The following TATDN3 variants were observed in gnomAD, a reference collection of about 807,000 sequenced individuals.
The protein encoded by TATDN3 is deoxyribonuclease TATDN3.
TATDN3 carries 29 observed loss-of-function variants against 40.1 expected under a neutral mutation model. The ratio of observed to expected loss-of-function variants is 0.72; its 90% CI spans 0.54 to 0.99. The LOEUF (loss-of-function observed/expected upper bound fraction) is 0.99, where lower values mean the gene tolerates loss of function less well. Among genes scored for constraint, TATDN3 ranks in the 50% least tolerant of loss-of-function variants. The pLI, the probability that TATDN3 is intolerant of heterozygous loss-of-function variation, is 0.00. For synonymous variants in TATDN3, 105 were observed against 117.0 expected (o/e 0.90, Z 0.66); for missense variants, 309 against 321.9 (o/e 0.96, Z 0.31).
chr1:212,804,249 C>A, intron 5 of TATDN3, 71 bp from the exon 6 acceptor site: 1 of 1,026,216 alleles, frequency 9.7e-7, no homozygotes, highest in Non-Finnish European at 1.5e-6. Context: ...TATTGGATAG[C>A]ATCAATCCAA....
chr1:212,796,573 T>G lies in TATDN3; in HGVS notation c.156T>G (p.Ile52Met), dbSNP rs1490531100. The G allele has an allele frequency of 3.8e-6, 6 of 1,580,008 alleles. No individual in the cohort carries two copies. The highest frequency in any genetic ancestry group is 5.1e-6 in the Non-Finnish European group (6 of 1,165,544). The change falls in exon 3 of 10, where the codon ATT (isoleucine) becomes ATG (methionine). Residue 52 changes from isoleucine (I) to methionine (M), a missense_variant. Coordinates refer to ENST00000366974, the MANE Select transcript of TATDN3 (RefSeq NM_001042552.3). ...AACATTCAGGAGAATTTGAAAAGAT[T>G]ATGCAACTTTCAGAAAGGTGCTACT... ...VAEHSGEFEK[I>M]MQLSERYNGF... is the part of the protein sequence containing the mutation.
rs542449402 is a variant in TATDN3, at chr1:212,809,615, G to T, written c.600+1767G>T. Among the ~76,000 whole-genome samples, 7 of 151,710 alleles carry T rather than the reference G, an allele frequency of 4.6e-5. No individual in the cohort carries two copies. In the East Asian group the frequency reaches 1.2e-3, roughly 25 times the overall value. ...AGGAGAATGGCGTGAACCCGGGGGG[G>T]CAGAGCCTGCAGTGAGCCGAGATCG... On this transcript the variant is annotated intron_variant, in intron 8 of 9. Coordinates refer to ENST00000366974, the MANE Select transcript of TATDN3 (RefSeq NM_001042552.3).
intron 7 of TATDN3, among the ~76,000 whole-genome samples, chr1:212,807,115 T>C (rs544109510): frequency 6.6e-6 from 1 of 151,572 alleles, no homozygotes; most frequent in African/African-American, 2.4e-5. Context: ...AGCTAATTTT[T>C]TTGTATTTTT....
chr1:212,813,341 T>C (rs896191285), intron 9 of TATDN3, among the ~76,000 whole-genome samples: 4 of 152,176 alleles, frequency 2.6e-5, no homozygotes, highest in African/African-American at 9.6e-5. Flanking sequence ...GCAGTACCTA[T>C]TACAATGACC....
chr1:212,804,584 A>T lies in TATDN3; in HGVS notation c.432-12A>T. The T allele has an allele frequency of 6.2e-7, 1 of 1,611,784 alleles. No individual in the cohort carries two copies. The highest frequency in any genetic ancestry group is 8.5e-7 in the Non-Finnish European group (1 of 1,178,998). ...AATGGTACTTAAAAGAAATGTTGTTATCGTTAAACAGAAATGTGCACTCAC... is the reference window on the plus strand; with the variant it reads ...AATGGTACTTAAAAGAAATGTTGTTTTCGTTAAACAGAAATGTGCACTCAC... On this transcript the variant is annotated splice_polypyrimidine_tract_variant and intron_variant, in intron 6 of 9. Transcript: ENST00000366974.
chr1:212,806,840 A>ATATACACATATATACATATG lies in TATDN3; in HGVS notation c.488-891_488-872dup, dbSNP rs1662550865. 6.3e-5 allele frequency among the ~76,000 whole-genome samples: 6 copies of ATATACACATATATACATATG among 95,052 alleles called. 1 individual carries two copies. In the South Asian group the frequency reaches 1.2e-3, roughly 19 times the overall value. The allele number at this position is 95,052 out of a possible 152,430, so 62.4% of individuals were successfully genotyped here. A position where few individuals can be genotyped will look rare whatever the true frequency, so the allele number is the denominator to read the frequency against. Reference sequence around the variant, plus strand: ...TACACATATATACATATATATACATATATACACATATATACATATGTATAT... The same window carrying ATATACACATATATACATATG: ...TACACATATATACATATATATACATATATACACATATATACATATGTATACACATATATACATATGTATAT... On this transcript the variant is annotated intron_variant, in intron 7 of 9. Coordinates refer to ENST00000366974, the MANE Select transcript of TATDN3 (RefSeq NM_001042552.3).
At chr1:212,798,295 C>CAG (rs1249149679) in intron 4 of TATDN3, among the ~76,000 whole-genome samples, 1 of 151,708 alleles carries the variant, frequency 6.6e-6, no homozygotes, top group Non-Finnish European at 1.5e-5. Context: ...CAGTGCACTC[C>CAG]AGCCTGGGTG....
At chr1:212,811,074 C>T (rs559928311) in intron 8 of TATDN3, among the ~76,000 whole-genome samples, 1 of 152,226 alleles carries the variant, frequency 6.6e-6, no homozygotes, top group African/African-American at 2.4e-5. Flanking sequence ...TCTCCGCCTC[C>T]CAGGTCCAAG....
intron 8 of TATDN3, among the ~76,000 whole-genome samples, chr1:212,811,340 T>C (rs145054296): frequency 0.023 from 3,461 of 151,768 alleles, 63 homozygotes; most frequent in South Asian, 0.041. Context: ...ACCATGTTGG[T>C]CAGGCTGGTC....
chr1:212,797,467 T>C (rs1196785899), intron 4 of TATDN3: 2 of 345,320 alleles, frequency 5.8e-6, no homozygotes, highest in South Asian at 4.6e-5. Flanking sequence ...TAAAGTATTA[T>C]AGCACATGGA....
chr1:212,812,193 C>A, intron 8 of TATDN3, 55 bp from the exon 9 acceptor site: 2 of 1,126,134 alleles, frequency 1.8e-6, no homozygotes, highest in Non-Finnish European at 2.6e-6. Flanking sequence ...CAATTTAATG[C>A]TCTTTATCTT....
chr1:212,810,921 G>A (rs955653660), intron 8 of TATDN3, among the ~76,000 whole-genome samples: 1 of 152,082 alleles, frequency 6.6e-6, no homozygotes, highest in Non-Finnish European at 1.5e-5. Context: ...TTAGGAATTA[G>A]TGTTTATATT....
chr1:212,805,344 C>T (rs1202128780), intron 7 of TATDN3, among the ~76,000 whole-genome samples: 1 of 152,168 alleles, frequency 6.6e-6, no homozygotes. Context: ...CAACCTCCAC[C>T]TCCTGGGTTC....
At chr1:212,792,087 C>A (rs2102417966) in intron 1 of TATDN3, 100 bp downstream of exon 1, 3 of 1,203,886 alleles carry the variant, frequency 2.5e-6, no homozygotes, top group Non-Finnish European at 3.6e-6. Flanking sequence ...ACCCCATATC[C>A]CCCGCCCAGA....
At position 212,804,300 on chromosome 1, in the gene TATDN3, CT is replaced by C; in HGVS notation, c.322-16del. The C allele has an allele frequency of 6.3e-7, 1 of 1,580,792 alleles. No homozygotes were observed. The highest frequency in any genetic ancestry group is 8.7e-7 in the Non-Finnish European group (1 of 1,151,306). On this transcript the variant is annotated intron_variant, in intron 5 of 9. Coordinates refer to ENST00000366974, the MANE Select transcript of TATDN3 (RefSeq NM_001042552.3). ...TTCCTTAAACCTAAATATGTAATAT[CT>C]TTTATTTTTCTGCTCTAGGTTGGAC...
intron 7 of TATDN3, among the ~76,000 whole-genome samples, chr1:212,806,859 T>TATATAC (rs1558084101): frequency 1.5e-4 from 2 of 13,346 alleles, no homozygotes; most frequent in Non-Finnish European, 4.1e-4. Context: ...TATATACATA[T>TATATAC]GTATATACAC....
intron 1 of TATDN3, chr1:212,794,821 G>A (rs947164830): frequency 1.7e-6 from 1 of 577,918 alleles, no homozygotes; most frequent in Non-Finnish European, 3.3e-6. Context: ...GAGGGATTCC[G>A]AATGCTGCTG....
rs193239734 is a variant in TATDN3 at position 212,811,112 on chromosome 1, A to G, written c.601-1136A>G. 3.3e-3 allele frequency among the ~76,000 whole-genome samples: 502 copies of G among 151,654 alleles called. 2 individuals are homozygous for G. Among genetic ancestry groups the G allele is most frequent in the Middle Eastern group, 0.024 (7 of 294 alleles). ...ATTCTCCTGCCTCAGCCTTCCGAGTACCTGGGATTACAGGCGTGTACCACA... is the reference window on the plus strand; with the variant it reads ...ATTCTCCTGCCTCAGCCTTCCGAGTGCCTGGGATTACAGGCGTGTACCACA... On this transcript the variant is annotated intron_variant, in intron 8 of 9. Transcript: ENST00000366974.
At chr1:212,806,539 T>C (rs1662479561) in intron 7 of TATDN3, among the ~76,000 whole-genome samples, 1 of 150,328 alleles carries the variant, frequency 6.7e-6, no homozygotes. Context: ...CCCTGCTAAT[T>C]CTTTTGTGTG....
Sources: gnomAD v4.1 joint callset for allele counts (sites outside exome capture counted in the v4.1 genomes callset) on GRCh38, gnomAD v4.1.1 for gene constraint, MANE v1.5 for transcripts, NCBI Gene and HGNC (gene_info 2026-07-23, HGNC 2026-07-21) for gene names.